Variants in DENND1A observed in about 807,000 individuals in gnomAD.
The protein encoded by DENND1A is DENN domain containing 1A, also known as DENN domain-containing protein 1A.
DENND1A carries 51 observed loss-of-function variants against 113.7 expected under a neutral mutation model. The observed-to-expected ratio is 0.45, with a 90% CI of 0.36 to 0.57. The LOEUF (loss-of-function observed/expected upper bound fraction) is 0.57. DENND1A is among the 20% of genes least tolerant of loss of function. DENND1A has a pLI of 0.00. For synonymous variants in DENND1A, 565 were observed against 570.8 expected (o/e 0.99, Z 0.14); for missense variants, 1,258 against 1,395.9 (o/e 0.90, Z 1.57).
chr9:123,611,595 A>G (rs1431615896), intron 10 of DENND1A, among the ~76,000 whole-genome samples: 1 of 152,230 alleles, frequency 6.6e-6, no homozygotes, highest in Non-Finnish European at 1.5e-5. Flanking sequence ...GAGAAAGCAC[A>G]AATCCATAAT....
chr9:123,474,114 C>T (rs1012101306), intron 13 of DENND1A, among the ~76,000 whole-genome samples: 1 of 150,584 alleles, frequency 6.6e-6, no homozygotes, highest in African/African-American at 2.5e-5. Context: ...CCTGCCTCAG[C>T]CTCCTGAGTA....
At chr9:123,493,383 T>C (rs899146718) in intron 13 of DENND1A, among the ~76,000 whole-genome samples, 4 of 152,142 alleles carry the variant, frequency 2.6e-5, no homozygotes, top group Non-Finnish European at 5.9e-5. Flanking sequence ...CCTCTTGTCA[T>C]GGCAATCACT....
At chr9:123,532,635 G>T (rs1045997247) in intron 13 of DENND1A, among the ~76,000 whole-genome samples, 4 of 152,130 alleles carry the variant, frequency 2.6e-5, no homozygotes, top group African/African-American at 9.7e-5. Flanking sequence ...GCACCCCTTT[G>T]AAAAATCAAG....
intron 20 of DENND1A, among the ~76,000 whole-genome samples, chr9:123,409,176 G>A (rs2044113507): frequency 6.6e-6 from 1 of 152,094 alleles, no homozygotes; most frequent in African/African-American, 2.4e-5. Flanking sequence ...CACCATAAAA[G>A]GTGCTCAATG....
rs764196990 is a variant in DENND1A, at chr9:123,769,582, A to C, written c.133-19T>G. 6.2e-7 allele frequency: 1 copy of C among 1,603,334 alleles called. No individual in the cohort carries two copies. On this transcript the variant is annotated intron_variant, in intron 3 of 23. Transcript: ENST00000394215. ...GAACTTCCTGTGGAGAGAAAGAGAG[A>C]TAATTTATACATCTAATGGGACCAG...
At chr9:123,557,837 C>T (rs1341184777) in intron 12 of DENND1A, 142 bp from the exon 13 acceptor site, 69 of 990,844 alleles carry the variant, frequency 7.0e-5, no homozygotes, top group Non-Finnish European at 8.8e-5. Flanking sequence ...AGGACAAAAA[C>T]GTGTTCAGGC....
intron 5 of DENND1A, among the ~76,000 whole-genome samples, chr9:123,691,510 T>C (rs1214762415): frequency 2.7e-5 from 4 of 149,858 alleles, no homozygotes; most frequent in Non-Finnish European, 5.9e-5. Context: ...GATCCCAGAG[T>C]AAGGGTAGAG....
intron 1 of DENND1A, among the ~76,000 whole-genome samples, chr9:123,918,472 A>G (rs1002056266): frequency 6.1e-5 from 9 of 146,662 alleles, no homozygotes; most frequent in South Asian, 2.2e-4. Flanking sequence ...TGGGCAATAG[A>G]GGGAGACTCC....
rs534546962 is a variant in DENND1A at position 123,412,490 on chromosome 9, G to A, written c.1489-661C>T. 8.8e-4 allele frequency among the ~76,000 whole-genome samples: 134 copies of A among 152,332 alleles called. 2 individuals carry two copies. The South Asian group carries it at 0.027, about 31-fold the overall frequency. ...ACCTCTTACAGGTCTATCTCCAAGG[G>A]GGTTCATCCCTATGCCTGCAGGCTC... is the stretch of plus-strand genomic sequence containing the variant. On this transcript the variant is annotated intron_variant, in intron 19 of 23. Coordinates refer to ENST00000394215, the MANE Select transcript of DENND1A (RefSeq NM_001352964.2).
At chr9:123,850,652 T>C (rs896572771) in intron 2 of DENND1A, among the ~76,000 whole-genome samples, 5 of 152,226 alleles carry the variant, frequency 3.3e-5, no homozygotes, top group Non-Finnish European at 7.3e-5. Context: ...CTCTGTGGCC[T>C]TGGACAGATT....
intron 2 of DENND1A, among the ~76,000 whole-genome samples, chr9:123,845,206 C>T (rs982574401): frequency 6.6e-6 from 1 of 151,094 alleles, no homozygotes; most frequent in Non-Finnish European, 1.5e-5. Flanking sequence ...GGCAAGAGAG[C>T]AAGGCTGTGT....
At chr9:123,854,867 C>A (rs1843923504) in intron 2 of DENND1A, among the ~76,000 whole-genome samples, 1 of 150,724 alleles carries the variant, frequency 6.6e-6, no homozygotes, top group Admixed American at 6.6e-5. Context: ...GACATTGCCA[C>A]AACCTACTGC....
At chr9:123,523,127 G>A (rs2054528189) in intron 13 of DENND1A, among the ~76,000 whole-genome samples, 1 of 152,224 alleles carries the variant, frequency 6.6e-6, no homozygotes, top group Non-Finnish European at 1.5e-5. Context: ...GATTTCAGGA[G>A]GGGTAAAGGA....
At chr9:123,837,986 A>T (rs1841291085) in intron 2 of DENND1A, among the ~76,000 whole-genome samples, 1 of 152,230 alleles carries the variant, frequency 6.6e-6, no homozygotes, top group South Asian at 2.1e-4. Context: ...CAACTTGTAC[A>T]TCCTATCGTC....
At chr9:123,882,143 C>T (rs1848399899) in intron 1 of DENND1A, among the ~76,000 whole-genome samples, 1 of 152,038 alleles carries the variant, frequency 6.6e-6, no homozygotes, top group African/African-American at 2.4e-5. Flanking sequence ...GCCCCAGTCA[C>T]ATCTCCAACC....
chr9:123,532,730 A>G (rs2055424322), intron 13 of DENND1A, among the ~76,000 whole-genome samples: 1 of 152,216 alleles, frequency 6.6e-6, no homozygotes, highest in Non-Finnish European at 1.5e-5. Context: ...AGAATTAAAA[A>G]CTAAAAGATG....
intron 10 of DENND1A, among the ~76,000 whole-genome samples, chr9:123,620,133 G>T (rs2060868893): frequency 7.3e-6 from 1 of 137,716 alleles, no homozygotes; most frequent in Non-Finnish European, 1.5e-5. Flanking sequence ...AGAATTGCTT[G>T]AACCCAGGAG....
At chr9:123,493,723 G>A (rs957702771) in intron 13 of DENND1A, among the ~76,000 whole-genome samples, 1 of 152,146 alleles carries the variant, frequency 6.6e-6, no homozygotes, top group Non-Finnish European at 1.5e-5. Flanking sequence ...TGGTACCGAA[G>A]AATAGCCCGA....
chr9:123,743,834 A>C (rs1436949124), intron 5 of DENND1A, among the ~76,000 whole-genome samples: 2 of 152,174 alleles, frequency 1.3e-5, no homozygotes, highest in Non-Finnish European at 2.9e-5. Context: ...TTTTACAGTT[A>C]AGGAAACAGG....
Sources: gnomAD v4.1 joint callset for allele counts (sites outside exome capture counted in the v4.1 genomes callset) on GRCh38, gnomAD v4.1.1 for gene constraint, MANE v1.5 for transcripts, NCBI Gene and HGNC (gene_info 2026-07-23, HGNC 2026-07-21) for gene names.